UNC5D: variants seen among roughly 807,000 people sequenced by gnomAD.
The protein encoded by UNC5D is netrin receptor UNC5D.
A neutral mutation model predicts 105.4 loss-of-function variants in UNC5D; 39 were observed. The ratio of observed to expected loss-of-function variants is 0.37; its 90% CI spans 0.29 to 0.48. The LOEUF is 0.48. UNC5D is among the 20% of genes least tolerant of loss of function. The probability of loss-of-function intolerance (pLI) is 0.98; values close to 1 mark genes in which losing one functional copy is unlikely to be tolerated. For synonymous variants in UNC5D, 452 were observed against 450.4 expected, an observed-to-expected ratio of 1.00 and a Z score of -0.04; for missense variants, 991 against 1,202.4, an observed-to-expected ratio of 0.82 and a Z score of 2.60.
chr8:35,583,945 C>G (rs1351409698), intron 3 of UNC5D, among the ~76,000 whole-genome samples: 1 of 152,060 alleles, frequency 6.6e-6, no homozygotes, highest in Non-Finnish European at 1.5e-5. Context: ...ATTTTCTTGT[C>G]AAAGGAAATG....
chr8:35,447,370 G>C (rs1807868319), intron 1 of UNC5D, among the ~76,000 whole-genome samples: 2 of 152,056 alleles, frequency 1.3e-5, no homozygotes, highest in Admixed American at 1.3e-4. Context: ...TTTTTTAAGA[G>C]AGCTGCAGCT....
intron 3 of UNC5D, among the ~76,000 whole-genome samples, chr8:35,570,589 A>G (rs1400459349): frequency 6.6e-6 from 1 of 152,128 alleles, no homozygotes; most frequent in African/African-American, 2.4e-5. Context: ...TGGATTCTAT[A>G]AAAATTTATT....
At chr8:35,622,431 T>C (rs1821418261) in intron 4 of UNC5D, among the ~76,000 whole-genome samples, 1 of 152,168 alleles carries the variant, frequency 6.6e-6, no homozygotes, top group Non-Finnish European at 1.5e-5. Context: ...AGAGCATGGA[T>C]CTTGATGCTA....
At chr8:35,345,775 G>A (rs1360328667) in intron 1 of UNC5D, among the ~76,000 whole-genome samples, 1 of 151,906 alleles carries the variant, frequency 6.6e-6, no homozygotes, top group Non-Finnish European at 1.5e-5. Flanking sequence ...GCATGAAAGT[G>A]CCTAATAAAA....
rs566123083 is a variant in UNC5D, at chr8:35,397,520, G to A, written c.104-151772G>A. Among the ~76,000 whole-genome samples, 5 of 152,300 alleles carry A rather than the reference G, an allele frequency of 3.3e-5. No homozygotes were observed. In the East Asian group the frequency reaches 9.7e-4, roughly 29 times the overall value. ...CCTTCTCAACTTGCTTGCCGGAAGT[G>A]TAATTACACACACAGCAGATGCTTC... On this transcript the variant is annotated intron_variant, in intron 1 of 16. Transcript: ENST00000404895.
Position 35,722,398 on chromosome 8 carries a change from C to A in UNC5D, c.1303+3C>A. On this transcript the variant is annotated splice_donor_region_variant and intron_variant, in intron 9 of 16. Transcript: ENST00000404895. The stretch of plus-strand genomic sequence containing the variant: ...CAACTTCAAAACAGTCCGTCAAGGT[C>A]AGCGGCATAGGTCCCTCCACACCTC... 1 of 1,612,826 alleles carries A rather than the reference C, an allele frequency of 6.2e-7. No homozygotes were observed. Among genetic ancestry groups the A allele is most frequent in the South Asian group, 1.1e-5 (1 of 90,884 alleles).
At chr8:35,494,270 G>T (rs534641226) in intron 1 of UNC5D, among the ~76,000 whole-genome samples, 5 of 152,180 alleles carry the variant, frequency 3.3e-5, no homozygotes, top group South Asian at 4.1e-4. Context: ...CTTCAGAAAT[G>T]CTCCTTAGAC....
intron 3 of UNC5D, among the ~76,000 whole-genome samples, chr8:35,594,403 A>G (rs1001031918): frequency 2.0e-5 from 3 of 152,226 alleles, no homozygotes; most frequent in Non-Finnish European, 2.9e-5. Flanking sequence ...TTTACAGAGA[A>G]CATATTTCAT....
intron 1 of UNC5D, among the ~76,000 whole-genome samples, chr8:35,397,622 C>T (rs1804191067): frequency 6.6e-6 from 1 of 152,104 alleles, no homozygotes; most frequent in Non-Finnish European, 1.5e-5. Context: ...TTCCCTCATC[C>T]CAGTGTACAG....
intron 1 of UNC5D, among the ~76,000 whole-genome samples, chr8:35,440,037 C>A (rs1283709647): frequency 1.3e-5 from 2 of 151,950 alleles, no homozygotes; most frequent in African/African-American, 4.8e-5. Flanking sequence ...GTGCTTTTCC[C>A]CCCATAACCC....
Position 35,581,774 on chromosome 8 carries a change from GA to G in UNC5D, c.466+13543del, listed in dbSNP as rs200682198. ...ATAATTAAAAACAAAAAAATTAAAA[GA>G]AAAAAAAAATCATTGCTGTAAATTT... is the stretch of plus-strand genomic sequence containing the variant. On this transcript the variant is annotated intron_variant, in intron 3 of 16. Coordinates refer to ENST00000404895, the MANE Select transcript of UNC5D (RefSeq NM_080872.4). 9.7e-4 allele frequency among the ~76,000 whole-genome samples: 144 copies of G among 148,740 alleles called. No individual in the cohort carries two copies. In the Middle Eastern group the frequency reaches 0.01, roughly 11 times the overall value.
chr8:35,565,778 G>T (rs1442898999), intron 2 of UNC5D, among the ~76,000 whole-genome samples: 3 of 152,110 alleles, frequency 2.0e-5, no homozygotes, highest in Non-Finnish European at 4.4e-5. Flanking sequence ...TCATTCTTCT[G>T]CATTTGGTGA....
chr8:35,794,114 T>C lies in UNC5D; in HGVS notation c.*3551T>C, dbSNP rs1803164509. On this transcript the variant is annotated 3_prime_UTR_variant, in exon 17 of 17. Transcript: ENST00000404895. ...ATAATATCTTCTACTGCCAAACTTC[T>C]GGCAAATTTACCTGTGAATTTCAAA... The C allele has an allele frequency of 6.6e-6, 1 of 152,208 alleles. No individual in the cohort carries two copies. The highest frequency in any genetic ancestry group is 1.5e-5 in the Non-Finnish European group (1 of 68,028). 9.4% of individuals were successfully genotyped at this position (152,208 alleles called of 1,614,324 possible). A position where few individuals can be genotyped will look rare whatever the true frequency, so the allele number is the denominator to read the frequency against.
At position 35,387,290 on chromosome 8, in the gene UNC5D, G is replaced by A. The variant is rs920381390; in HGVS notation, c.103+151403G>A. ...AGGCAGGAGAATGGCGTGAACCCGG[G>A]AGGCGGAGTTTGTAGTGAGTAGAGA... On this transcript the variant is annotated intron_variant, in intron 1 of 16. Coordinates refer to ENST00000404895, the MANE Select transcript of UNC5D (RefSeq NM_080872.4). 2.4e-4 allele frequency among the ~76,000 whole-genome samples: 36 copies of A among 150,844 alleles called. 1 individual carries two copies. The highest frequency in any genetic ancestry group is 7.6e-4 in the African/African-American group (31 of 40,854).
intron 1 of UNC5D, among the ~76,000 whole-genome samples, chr8:35,461,492 C>G (rs1422467299): frequency 1.3e-5 from 2 of 152,112 alleles, no homozygotes; most frequent in Non-Finnish European, 2.9e-5. Flanking sequence ...TGAAAAAAAT[C>G]CAATATACAG....
intron 1 of UNC5D, among the ~76,000 whole-genome samples, chr8:35,303,148 T>G (rs1384163579): frequency 6.6e-6 from 1 of 152,112 alleles, no homozygotes; most frequent in African/African-American, 2.4e-5. Context: ...GTCTTTGAAA[T>G]CAGTGCCTAT....
At chr8:35,533,817 C>T (rs367729567) in intron 1 of UNC5D, among the ~76,000 whole-genome samples, 2 of 152,282 alleles carry the variant, frequency 1.3e-5, no homozygotes, top group Admixed American at 6.5e-5. Flanking sequence ...TTTCCAAGTG[C>T]GTCCATCACC....
At chr8:35,679,695 G>A (rs1825526755) in intron 4 of UNC5D, among the ~76,000 whole-genome samples, 1 of 152,332 alleles carries the variant, frequency 6.6e-6, no homozygotes, top group South Asian at 2.1e-4. Flanking sequence ...GTAGAGGTCA[G>A]AATAGAAGCC....
intron 1 of UNC5D, among the ~76,000 whole-genome samples, chr8:35,375,120 A>G (rs1346009264): frequency 6.6e-6 from 1 of 152,222 alleles, no homozygotes; most frequent in African/African-American, 2.4e-5. Flanking sequence ...TACAGGGAAA[A>G]ATATTTTAAG....
Sources: allele counts gnomAD v4.1 joint callset (sites outside exome capture counted in the v4.1 genomes callset), GRCh38; gene constraint gnomAD v4.1.1; transcripts MANE v1.5; gene names NCBI Gene and HGNC (gene_info 2026-07-23, HGNC 2026-07-21).